The following STK31 variants were observed in gnomAD, a reference collection of about 807,000 sequenced individuals.
STK31 encodes the protein serine/threonine kinase 31.
Under a neutral mutation model 129.7 loss-of-function variants are expected in STK31, and 89 were observed. That is an observed-to-expected ratio of 0.69 (90% CI 0.58 to 0.82). The LOEUF is 0.82. Among genes scored for constraint, STK31 ranks in the 40% least tolerant of loss-of-function variants. The pLI is 0.00. For synonymous variants in STK31, 448 were observed against 395.3 expected (o/e 1.13, Z -1.58); for missense variants, 1,187 against 1,176.4 (o/e 1.01, Z -0.13).
chr7:23,747,341 A>G (rs1584375201), intron 8 of STK31, among the ~76,000 whole-genome samples: 1 of 151,588 alleles, frequency 6.6e-6, no homozygotes, highest in East Asian at 1.9e-4. Context: ...CAATTTTAAA[A>G]ATAGAAATAA....
rs1442497143 is a variant in STK31 at position 23,827,528 on chromosome 7, G to T, written c.2830-4608G>T. On this transcript the variant is annotated intron_variant, in intron 23 of 23. Coordinates refer to ENST00000355870, the MANE Select transcript of STK31 (RefSeq NM_031414.5). ...TTTTTTCAAAGTTTTTAACTTCTTT[G>T]CCATTGGTTCGAACTTCCTCCTTTA... Among the ~76,000 whole-genome samples the T allele has an allele frequency of 1.2e-4, 18 of 151,928 alleles. 1 individual carries two copies. The highest frequency in any genetic ancestry group is 1.1e-3 in the Admixed American group (17 of 15,238).
At chr7:23,804,521 C>T (rs899441434) in intron 22 of STK31, among the ~76,000 whole-genome samples, 3 of 152,040 alleles carry the variant, frequency 2.0e-5, no homozygotes, top group Non-Finnish European at 2.9e-5. Flanking sequence ...TGTTTTTTTC[C>T]TGAGTTCATT....
At chr7:23,763,444 T>C (rs1189338374) in intron 11 of STK31, among the ~76,000 whole-genome samples, 1 of 152,240 alleles carries the variant, frequency 6.6e-6, no homozygotes, top group Non-Finnish European at 1.5e-5. Context: ...TGAATGAACA[T>C]GACAGTGTTA....
At position 23,805,114 on chromosome 7, in the gene STK31, C is replaced by T. The variant is rs568846582; in HGVS notation, c.2761-10030C>T. Among the ~76,000 whole-genome samples the T allele has an allele frequency of 1.6e-3, 246 of 151,626 alleles. 1 individual carries two copies. Among genetic ancestry groups the T allele is most frequent in the African/African-American group, 5.7e-3 (234 of 41,364 alleles). On this transcript the variant is annotated intron_variant, in intron 22 of 23. Coordinates refer to ENST00000355870, the MANE Select transcript of STK31 (RefSeq NM_031414.5). The stretch of plus-strand genomic sequence containing the variant: ...TTTTTGAGACGGAGTCTTGCTCTGT[C>T]GCCCAGGCTAGGGTGCAGTGGTGTG...
At chr7:23,794,777 CT>C (rs1292797150) in intron 22 of STK31, among the ~76,000 whole-genome samples, 3 of 152,292 alleles carry the variant, frequency 2.0e-5, no homozygotes, top group African/African-American at 4.8e-5. Flanking sequence ...CATTTTGCCC[CT>C]GTCCTAGAGA....
At chr7:23,710,194 C>G (rs908751101), upstream of STK31, 1 of 1,600,544 alleles carries the variant, frequency 6.2e-7, no homozygotes, top group African/African-American at 1.3e-5. Flanking sequence ...CAGCGCTGTG[C>G]ACGCAGGCGC....
At chr7:23,720,732 G>A (rs1786641851) in intron 4 of STK31, among the ~76,000 whole-genome samples, 1 of 152,158 alleles carries the variant, frequency 6.6e-6, no homozygotes, top group South Asian at 2.1e-4. Flanking sequence ...AGCAGAAGTA[G>A]CAGGACTGTA....
At chr7:23,795,960 A>G (rs1333525485) in intron 22 of STK31, among the ~76,000 whole-genome samples, 1 of 152,182 alleles carries the variant, frequency 6.6e-6, no homozygotes, top group Non-Finnish European at 1.5e-5. Context: ...CTTATTTCAG[A>G]TGAGACTTTG....
In STK31 at chr7:23,712,245, G is replaced by C. The variant is rs781054363; in HGVS notation, c.109G>C (p.Val37Leu). 6.2e-6 allele frequency: 10 copies of C among 1,613,906 alleles called. No homozygotes were observed. The highest frequency in any genetic ancestry group is 6.8e-6 in the Non-Finnish European group (8 of 1,179,984). ...TGATTTGATTTTAGTGGAAGATGTG[G>C]TTGGAAGTCACATAGAAGATGCAGT... is the stretch of plus-strand genomic sequence containing the variant. ...DTHYDKVEDV[V>L]GSHIEDAVTF... The change falls in exon 3 of 24, where the codon GTT (valine) becomes CTT (leucine). Residue 37 changes from valine to leucine, a missense_variant. Val to Leu is a conservative substitution (Grantham distance 32). Coordinates refer to ENST00000355870, the MANE Select transcript of STK31 (RefSeq NM_031414.5).
chr7:23,789,428 G>A (rs1359238768), intron 21 of STK31, among the ~76,000 whole-genome samples: 1 of 151,902 alleles, frequency 6.6e-6, no homozygotes, highest in African/African-American at 2.4e-5. Flanking sequence ...CTACATCCTT[G>A]CCAATATTTT....
chr7:23,830,084 G>A (rs1027209446), intron 23 of STK31, among the ~76,000 whole-genome samples: 2 of 151,802 alleles, frequency 1.3e-5, no homozygotes, highest in African/African-American at 4.8e-5. Context: ...CACGTAGCTG[G>A]GACTACAGGC....
At chr7:23,804,623 G>A (rs12700481) in intron 22 of STK31, among the ~76,000 whole-genome samples, 15,252 of 152,026 alleles carry the variant, frequency 0.1, 997 homozygotes, top group Admixed American at 0.14. Flanking sequence ...ATATTTCTAG[G>A]AGATGTTAGT....
intron 23 of STK31, among the ~76,000 whole-genome samples, chr7:23,818,587 C>G (rs1030785724): frequency 6.7e-6 from 1 of 149,030 alleles, no homozygotes; most frequent in African/African-American, 2.6e-5. Context: ...ACTTATAGGG[C>G]TAGTTCCTTC....
intron 22 of STK31, among the ~76,000 whole-genome samples, chr7:23,808,970 T>TGTGTGTGCGCGC (rs60631283): frequency 7.2e-6 from 1 of 139,554 alleles, no homozygotes; most frequent in African/African-American, 2.7e-5. Flanking sequence ...TGTGTGTGTG[T>TGTGTGTGCGCGC]GCCTGTGTCT....
chr7:23,741,464 A>G (rs535992397), intron 8 of STK31, among the ~76,000 whole-genome samples: 9 of 152,310 alleles, frequency 5.9e-5, no homozygotes, highest in African/African-American at 2.2e-4. Flanking sequence ...ATTTTGACGT[A>G]TGTATACTCT....
At chr7:23,812,413 C>CTTTTTTTTTTTTTTTTTTT (rs66609610) in intron 22 of STK31, among the ~76,000 whole-genome samples, 1 of 110,780 alleles carries the variant, frequency 9.0e-6, no homozygotes, top group Non-Finnish European at 1.9e-5. Flanking sequence ...CATTCCTTTC[C>CTTTTTTTTTTTTTTTTTTT]TTTTTTTTTT....
intron 4 of STK31, among the ~76,000 whole-genome samples, chr7:23,717,959 A>G (rs1786452363): frequency 6.6e-6 from 1 of 152,146 alleles, no homozygotes; most frequent in Admixed American, 6.6e-5. Flanking sequence ...TTATTGATTA[A>G]TGGGTGTAGA....
At chr7:23,803,365 T>A (rs762744155) in intron 22 of STK31, among the ~76,000 whole-genome samples, 1 of 152,186 alleles carries the variant, frequency 6.6e-6, no homozygotes, top group Non-Finnish European at 1.5e-5. Context: ...TTTAAAAAAA[T>A]TTTAGAAATA....
intron 22 of STK31, among the ~76,000 whole-genome samples, chr7:23,793,526 T>C (rs192043568): frequency 6.6e-6 from 1 of 152,218 alleles, no homozygotes; most frequent in Non-Finnish European, 1.5e-5. Flanking sequence ...TATCAAGAGC[T>C]CCTACAATCA....
Sources: allele counts gnomAD v4.1 joint callset (sites outside exome capture counted in the v4.1 genomes callset), GRCh38; gene constraint gnomAD v4.1.1; transcripts MANE v1.5; gene names NCBI Gene and HGNC (gene_info 2026-07-23, HGNC 2026-07-21).